The following MAP3K5 variants were observed in gnomAD, a reference collection of about 807,000 sequenced individuals.
The protein encoded by MAP3K5 is mitogen-activated protein kinase kinase kinase 5.
Under a neutral mutation model 158.7 loss-of-function variants are expected in MAP3K5, and 56 were observed. That is an observed-to-expected ratio of 0.35 (90% CI 0.28 to 0.44). The LOEUF (loss-of-function observed/expected upper bound fraction) is 0.44. MAP3K5 is among the 20% of genes least tolerant of loss of function. MAP3K5 has a pLI of 1.00. For missense variants in MAP3K5, 1,294 were observed against 1,674.8 expected, an observed-to-expected ratio of 0.77 and a Z score of 3.97; for synonymous variants, 579 against 601.7, an observed-to-expected ratio of 0.96 and a Z score of 0.55.
chr6:136,778,820 C>CA (rs1407412473), intron 1 of MAP3K5, among the ~76,000 whole-genome samples: 10 of 152,188 alleles, frequency 6.6e-5, no homozygotes, highest in Non-Finnish European at 1.3e-4. Flanking sequence ...TTTCCCCAAA[C>CA]AAAAAAACTG....
At chr6:136,751,017 C>T (rs1300076897) in intron 1 of MAP3K5, among the ~76,000 whole-genome samples, 8 of 152,150 alleles carry the variant, frequency 5.3e-5, no homozygotes, top group Non-Finnish European at 5.9e-5. Context: ...TTTCTCATGA[C>T]TTATAACCCC....
chr6:136,724,542 C>T, intron 1 of MAP3K5, among the ~76,000 whole-genome samples: 1 of 151,966 alleles, frequency 6.6e-6, no homozygotes, highest in South Asian at 2.1e-4. Flanking sequence ...GCCACTGTGC[C>T]CAGCCTAGAC....
In MAP3K5 at chr6:136,720,463, A is replaced by G. The variant is rs1562643457; in HGVS notation, c.575T>C (p.Leu192Pro). Residue 192 changes from leucine to proline, a missense_variant, in exon 2 of 30, where the codon CTG becomes CCG. This residue lies in a region of MAP3K5 where 690 missense variants were observed against 870.5 expected (regional missense o/e 0.79). Transcript: ENST00000359015. ...ILYCDTNSDS[L>P]QSLKEIICQK... ...CAAGGGAGGTACCTTCAGTGACTGC[A>G]GAGAGTCCGAGTTAGTATCACAGTA... is the stretch of plus-strand genomic sequence containing the variant. The G allele has an allele frequency of 1.9e-6, 3 of 1,606,960 alleles. No individual in the cohort carries two copies. Among genetic ancestry groups the G allele is most frequent in the Non-Finnish European group, 2.5e-6 (3 of 1,176,664 alleles).
chr6:136,626,593 C>T (rs1354018460), intron 14 of MAP3K5, among the ~76,000 whole-genome samples: 1 of 152,176 alleles, frequency 6.6e-6, no homozygotes, highest in East Asian at 1.9e-4. Flanking sequence ...GTCTCCACAC[C>T]CAATTCCTGT....
At chr6:136,582,816 A>T (rs1774949549) in intron 24 of MAP3K5, among the ~76,000 whole-genome samples, 1 of 152,230 alleles carries the variant, frequency 6.6e-6, no homozygotes, top group Admixed American at 6.5e-5. Flanking sequence ...AGTCTCCCAC[A>T]TCTTGTTAAG....
chr6:136,692,816 C>A (rs961428557), intron 7 of MAP3K5, among the ~76,000 whole-genome samples: 2 of 152,078 alleles, frequency 1.3e-5, no homozygotes, highest in Non-Finnish European at 2.9e-5. Context: ...ATTAGCCAGG[C>A]GTGGTGGCAC....
intron 3 of MAP3K5, among the ~76,000 whole-genome samples, chr6:136,702,309 T>A (rs1780887938): frequency 6.6e-6 from 1 of 152,200 alleles, no homozygotes; most frequent in African/African-American, 2.4e-5. Context: ...GGAAAAGTTG[T>A]GTTTTTCAAA....
intron 1 of MAP3K5, among the ~76,000 whole-genome samples, chr6:136,721,158 G>T (rs1370715274): frequency 6.6e-6 from 1 of 151,608 alleles, no homozygotes; most frequent in Non-Finnish European, 1.5e-5. Flanking sequence ...GTGGGAAGCA[G>T]GGGCTAATGC....
chr6:136,624,977 T>C (rs981163868), intron 14 of MAP3K5, among the ~76,000 whole-genome samples: 1 of 152,178 alleles, frequency 6.6e-6, no homozygotes, highest in Admixed American at 6.5e-5. Context: ...ACAGACATAC[T>C]TTTAAATGTC....
intron 7 of MAP3K5, among the ~76,000 whole-genome samples, chr6:136,690,970 G>A (rs1308005485): frequency 6.6e-6 from 1 of 152,042 alleles, no homozygotes; most frequent in African/African-American, 2.4e-5. Context: ...TGGATATAGA[G>A]TTCTTGCTTG....
At chr6:136,574,749 C>A (rs1774527182) in intron 25 of MAP3K5, among the ~76,000 whole-genome samples, 1 of 133,434 alleles carries the variant, frequency 7.5e-6, no homozygotes, top group African/African-American at 2.9e-5. Context: ...AGTGCAGTGG[C>A]ACGATCTCGG....
At chr6:136,702,460 T>C (rs1431661033) in intron 3 of MAP3K5, among the ~76,000 whole-genome samples, 1 of 152,216 alleles carries the variant, frequency 6.6e-6, no homozygotes, top group Admixed American at 6.5e-5. Context: ...ACCAAACCCA[T>C]AGTTTGAAAT....
intron 14 of MAP3K5, among the ~76,000 whole-genome samples, chr6:136,627,227 C>T (rs778665847): frequency 7.9e-5 from 12 of 152,068 alleles, no homozygotes; most frequent in Non-Finnish European, 1.6e-4. Context: ...TTATTCTCAC[C>T]GGAGTTGCCT....
intron 7 of MAP3K5, among the ~76,000 whole-genome samples, chr6:136,684,567 A>G (rs565653415): frequency 6.6e-6 from 1 of 152,188 alleles, no homozygotes; most frequent in South Asian, 2.1e-4. Flanking sequence ...CCAGGGGTTA[A>G]GTTTGCCACT....
At chr6:136,581,637 C>T (rs1774883226) in intron 24 of MAP3K5, among the ~76,000 whole-genome samples, 2 of 152,202 alleles carry the variant, frequency 1.3e-5, no homozygotes, top group African/African-American at 4.8e-5. Flanking sequence ...GTCCTTGGTC[C>T]ATCTTCATCA....
chr6:136,776,471 T>C (rs1479112967), intron 1 of MAP3K5, among the ~76,000 whole-genome samples: 1 of 152,184 alleles, frequency 6.6e-6, no homozygotes, highest in African/African-American at 2.4e-5. Context: ...TCTTGAACTC[T>C]TGTGCTCAAG....
intron 10 of MAP3K5, among the ~76,000 whole-genome samples, chr6:136,655,034 T>C (rs1042066397): frequency 6.6e-6 from 1 of 152,228 alleles, no homozygotes; most frequent in South Asian, 2.1e-4. Context: ...TGGTTTATTT[T>C]TTACATTCAC....
intron 25 of MAP3K5, among the ~76,000 whole-genome samples, chr6:136,569,792 T>C (rs527799262): frequency 6.6e-6 from 1 of 152,352 alleles, no homozygotes; most frequent in East Asian, 1.9e-4. Context: ...AGTTTGGCTA[T>C]TTTTTGTCAA....
chr6:136,606,327 G>A (rs1776099498), intron 18 of MAP3K5, among the ~76,000 whole-genome samples: 1 of 152,094 alleles, frequency 6.6e-6, no homozygotes, highest in Non-Finnish European at 1.5e-5. Flanking sequence ...CTCCAGCCTG[G>A]GCAACAGAGT....
Sources: gnomAD v4.1 joint callset for allele counts (sites outside exome capture counted in the v4.1 genomes callset) on GRCh38, gnomAD v4.1.1 for gene constraint, gnomAD v4.1.1 regional missense constraint, MANE v1.5 for transcripts, NCBI Gene and HGNC (gene_info 2026-07-23, HGNC 2026-07-21) for gene names.